The following GALNT9 variants were observed in gnomAD, a reference collection of about 807,000 sequenced individuals.
GALNT9 encodes the protein GalNAc transferase 9.
GALNT9 carries 47 observed loss-of-function variants against 63.1 expected under a neutral mutation model. The ratio of observed to expected loss-of-function variants is 0.75; its 90% CI spans 0.59 to 0.95. The LOEUF is 0.95. Among genes scored for constraint, GALNT9 ranks in the 40% least tolerant of loss-of-function variants. The pLI, the probability that GALNT9 is intolerant of heterozygous loss-of-function variation, is 0.00. For synonymous variants in GALNT9, 396 were observed against 365.7 expected, an observed-to-expected ratio of 1.08 and a Z score of -0.94; for missense variants, 829 against 874.8, an observed-to-expected ratio of 0.95 and a Z score of 0.66.
At position 132,286,219 on chromosome 12, in the gene GALNT9, GT is replaced by G. The variant is rs1880582717; in HGVS notation, c.419+30del. The G allele has an allele frequency of 6.5e-7, 1 of 1,531,882 alleles. No individual in the cohort carries two copies. The highest frequency in any genetic ancestry group is 2.5e-5 in the East Asian group (1 of 40,266). 94.9% of individuals were successfully genotyped at this position (1,531,882 alleles called of 1,614,324 possible). On this transcript the variant is annotated intron_variant, in intron 2 of 10. Coordinates refer to ENST00000328957, the MANE Select transcript of GALNT9 (RefSeq NM_001122636.2). This position sits in a 1 kb window ranked among gnomAD's most constrained non-coding sequence, Gnocchi z 7.4. ...GGGGGCGGTCACTTCCTCGGCGGGC[GT>G]CGGGGGATGGGGGGCAGTCACTCAC...
At chr12:132,249,039 C>G (rs1220576892) in intron 5 of GALNT9, among the ~76,000 whole-genome samples, 2 of 152,224 alleles carry the variant, frequency 1.3e-5, no homozygotes, top group Non-Finnish European at 2.9e-5. Flanking sequence ...TCTCAGGTTT[C>G]TACTGGGTGT....
chr12:132,256,026 C>A (rs530745450), intron 5 of GALNT9, among the ~76,000 whole-genome samples: 1 of 152,154 alleles, frequency 6.6e-6, no homozygotes, highest in East Asian at 1.9e-4. Flanking sequence ...CATGAACCAC[C>A]GCACCTGCCT....
At position 132,265,399 on chromosome 12, in the gene GALNT9, C is replaced by T. The variant is rs1312897328; in HGVS notation, c.420-2774G>A. Among the ~76,000 whole-genome samples the T allele has an allele frequency of 6.7e-6, 1 of 149,724 alleles. No individual in the cohort carries two copies. Among genetic ancestry groups the T allele is most frequent in the South Asian group, 2.1e-4 (1 of 4,828 alleles). ...GGACATGGGCCTCTGTCTCCGATCT[C>T]GGAAACACATCTTCTGGCCCGGGTT... On this transcript the variant is annotated intron_variant, in intron 2 of 10. Coordinates refer to ENST00000328957, the MANE Select transcript of GALNT9 (RefSeq NM_001122636.2). This position sits in a 1 kb window ranked among gnomAD's most constrained non-coding sequence, Gnocchi z 5.3.
chr12:132,290,322 G>A (rs937508369), intron 1 of GALNT9, among the ~76,000 whole-genome samples: 33 of 152,248 alleles, frequency 2.2e-4, no homozygotes, highest in East Asian at 3.9e-4. Flanking sequence ...AGAGCGGACC[G>A]GCCAAGCCAC....
At chr12:132,273,608 G>GTTA (rs1555240941) in intron 2 of GALNT9, 3 of 152,674 alleles carry the variant, frequency 2.0e-5, no homozygotes, top group African/African-American at 7.2e-5. Flanking sequence ...AATGCAAACC[G>GTTA]TTCAGCAGTG....
At chr12:132,272,024 C>T (rs1555240774) in intron 2 of GALNT9, among the ~76,000 whole-genome samples, 3 of 152,142 alleles carry the variant, frequency 2.0e-5, no homozygotes, top group African/African-American at 7.2e-5. Context: ...AGAGGCTGCG[C>T]TCGAGGGCGG....
rs868924052 is a variant in GALNT9, at chr12:132,303,395, G to A, written c.239-16965C>T. 5.6e-3 allele frequency among the ~76,000 whole-genome samples: 525 copies of A among 93,076 alleles called. 31 individuals carry two copies. Among genetic ancestry groups the A allele is most frequent in the African/African-American group, 0.021 (432 of 21,012 alleles). The allele number at this position is 93,076 out of a possible 152,430, so 61.1% of individuals were successfully genotyped here. A position where few individuals can be genotyped will look rare whatever the true frequency, so the allele number is the denominator to read the frequency against. ...AGCACCCTCTCCGGGGCACAGCCTC[G>A]CCCGGGCACACCCTCACCCGGGCAC... On this transcript the variant is annotated intron_variant, in intron 1 of 10. Transcript: ENST00000328957.
chr12:132,202,044 C>T (rs748698716), intron 7 of GALNT9, among the ~76,000 whole-genome samples: 17 of 152,232 alleles, frequency 1.1e-4, no homozygotes, highest in Non-Finnish European at 1.9e-4. Flanking sequence ...TGAATCCCGT[C>T]ACCTTCTGGT....
chr12:132,292,106 G>C (rs1024286226), intron 1 of GALNT9, among the ~76,000 whole-genome samples: 105 of 152,070 alleles, frequency 6.9e-4, no homozygotes, highest in African/African-American at 2.5e-3. Context: ...TCCCGGTGAC[G>C]GCACCTCAGT....
chr12:132,200,840 A>G, intron 8 of GALNT9: 1 of 440,720 alleles, frequency 2.3e-6, no homozygotes, highest in Middle Eastern at 6.4e-4. Context: ...AGGGAGGTCC[A>G]TGTGAAGGAA....
intron 2 of GALNT9, chr12:132,283,933 G>A (rs985257044): frequency 2.0e-5 from 3 of 152,192 alleles, no homozygotes; most frequent in African/African-American, 4.8e-5. Context: ...AGGTGGTCTC[G>A]GGGGTCTTCC....
At chr12:132,228,640 C>T (rs905235557) in intron 6 of GALNT9, among the ~76,000 whole-genome samples, 1 of 152,160 alleles carries the variant, frequency 6.6e-6, no homozygotes, top group African/African-American at 2.4e-5. Context: ...CACAGCCCCC[C>T]AGCGGAGTGG....
At chr12:132,227,374 G>A (rs1444109578) in intron 6 of GALNT9, among the ~76,000 whole-genome samples, 1 of 152,128 alleles carries the variant, frequency 6.6e-6, no homozygotes, top group East Asian at 1.9e-4. Context: ...CCAGCTCCCC[G>A]ACCCTGCTGG....
Position 132,229,841 on chromosome 12 carries a change from A to C in GALNT9, c.1077+18069T>G, listed in dbSNP as rs952907725. ...TAAAGGAATCCTTTCTCCGATGAGG[A>C]AGCCGGGGCTGTGAGAAGCTAGGAG... is the stretch of plus-strand genomic sequence containing the variant. On this transcript the variant is annotated intron_variant, in intron 6 of 10. Transcript: ENST00000328957. Among the ~76,000 whole-genome samples, 215 of 152,350 alleles carry C rather than the reference A, an allele frequency of 1.4e-3. 5 individuals carry two copies. In the East Asian group the frequency reaches 0.021, roughly 15 times the overall value.
At chr12:132,304,759 G>A (rs369044120) in intron 1 of GALNT9, among the ~76,000 whole-genome samples, 7 of 51,602 alleles carry the variant, frequency 1.4e-4, no homozygotes, top group African/African-American at 1.8e-4. Context: ...AGCCTCGCCC[G>A]GGCACACCCT....
intron 6 of GALNT9, chr12:132,240,396 G>A: frequency 2.8e-6 from 1 of 352,580 alleles, no homozygotes; most frequent in Non-Finnish European, 5.6e-6. Flanking sequence ...TGGTGAAAGG[G>A]ACCCTTTGGC....
At chr12:132,231,525 GGA>G (rs1877891092) in intron 6 of GALNT9, among the ~76,000 whole-genome samples, 1 of 18,808 alleles carries the variant, frequency 5.3e-5, no homozygotes, top group Non-Finnish European at 8.7e-5. Flanking sequence ...GGGCGACAGA[GGA>G]GACAGCGTGG....
At chr12:132,200,686 G>T in intron 8 of GALNT9, 1 of 163,294 alleles carries the variant, frequency 6.1e-6, no homozygotes, top group South Asian at 1.8e-4. Flanking sequence ...GTGTTTGCAT[G>T]GATTTACGTA....
chr12:132,208,928 C>G (rs1033926539), intron 6 of GALNT9, among the ~76,000 whole-genome samples: 1 of 152,188 alleles, frequency 6.6e-6, no homozygotes, highest in Admixed American at 6.5e-5. Flanking sequence ...CCCCACTGCC[C>G]AAGACAATCC....
Sources: gnomAD v4.1 joint callset for allele counts (sites outside exome capture counted in the v4.1 genomes callset) on GRCh38, gnomAD v4.1.1 for gene constraint, Gnocchi (gnomAD v3.1) non-coding constraint, MANE v1.5 for transcripts, NCBI Gene and HGNC (gene_info 2026-07-23, HGNC 2026-07-21) for gene names.